Variants in FCHSD2 observed in about 807,000 individuals in gnomAD.
FCHSD2 encodes FCH and double SH3 domains 2.
FCHSD2 carries 38 observed loss-of-function variants against 108.1 expected under a neutral mutation model. That is an observed-to-expected ratio of 0.35 (90% CI 0.27 to 0.46). The LOEUF (loss-of-function observed/expected upper bound fraction) is 0.46. FCHSD2 is among the 20% of genes least tolerant of loss of function. The pLI is 1.00. For synonymous variants in FCHSD2, 279 were observed against 314.7 expected, an observed-to-expected ratio of 0.89 and a Z score of 1.20; for missense variants, 751 against 897.8, an observed-to-expected ratio of 0.84 and a Z score of 2.09.
chr11:72,902,987 T>TTG (rs774507851), intron 9 of FCHSD2, among the ~76,000 whole-genome samples: 107 of 152,272 alleles, frequency 7.0e-4, no homozygotes, highest in Non-Finnish European at 1.3e-3. Flanking sequence ...ACATTGGTCT[T>TTG]TGCCATCTCT....
At chr11:72,892,498 G>C (rs978589120) in intron 10 of FCHSD2, among the ~76,000 whole-genome samples, 4 of 152,148 alleles carry the variant, frequency 2.6e-5, no homozygotes, top group African/African-American at 9.7e-5. Flanking sequence ...ATACAGCCCA[G>C]GCTATTAAAC....
At chr11:73,010,300 G>A (rs967160202) in intron 4 of FCHSD2, among the ~76,000 whole-genome samples, 1 of 151,940 alleles carries the variant, frequency 6.6e-6, no homozygotes, top group Non-Finnish European at 1.5e-5. Context: ...ATCCTGAATT[G>A]TTTTTCTGAT....
intron 9 of FCHSD2, among the ~76,000 whole-genome samples, chr11:72,917,626 C>G (rs1053650317): frequency 6.6e-6 from 1 of 152,222 alleles, no homozygotes. Context: ...TGGCTGACGC[C>G]TGTAATCCCA....
At chr11:72,992,352 G>T (rs1288405534) in intron 5 of FCHSD2, among the ~76,000 whole-genome samples, 3 of 152,292 alleles carry the variant, frequency 2.0e-5, no homozygotes, top group Non-Finnish European at 4.4e-5. Flanking sequence ...GTAATTTATA[G>T]ATTCAATGCC....
intron 3 of FCHSD2, among the ~76,000 whole-genome samples, chr11:73,080,495 A>C (rs905019459): frequency 3.3e-5 from 5 of 152,162 alleles, no homozygotes; most frequent in Non-Finnish European, 7.3e-5. Context: ...TATATCATTT[A>C]GAGTTACAAA....
At chr11:73,137,742 T>C (rs1322496389) in intron 2 of FCHSD2, among the ~76,000 whole-genome samples, 1 of 152,064 alleles carries the variant, frequency 6.6e-6, no homozygotes, top group Non-Finnish European at 1.5e-5. Flanking sequence ...GACAACAGCA[T>C]ACACAGGGGC....
At chr11:72,955,809 T>G (rs1239895596) in intron 8 of FCHSD2, among the ~76,000 whole-genome samples, 8 of 152,140 alleles carry the variant, frequency 5.3e-5, no homozygotes, top group Non-Finnish European at 8.8e-5. Flanking sequence ...TACAAGGGCT[T>G]TAGGAGCTCT....
chr11:73,059,520 C>T lies in FCHSD2; in HGVS notation c.165+24175G>A, dbSNP rs571599669. 2.0e-5 allele frequency among the ~76,000 whole-genome samples: 3 copies of T among 152,226 alleles called. No homozygotes were observed. In the South Asian group the frequency reaches 6.2e-4, roughly 32 times the overall value. On this transcript the variant is annotated intron_variant, in intron 3 of 19. Coordinates refer to ENST00000409418, the MANE Select transcript of FCHSD2 (RefSeq NM_014824.3). ...CTAAAAACGAGGAATGCTCCCTACC[C>T]TTCACTCTAACTTCTTCTGCCTTGT... is the stretch of plus-strand genomic sequence containing the variant.
intron 8 of FCHSD2, among the ~76,000 whole-genome samples, chr11:72,926,956 C>T (rs1360957536): frequency 3.3e-5 from 5 of 152,158 alleles, no homozygotes; most frequent in Non-Finnish European, 7.3e-5. Context: ...ACTAGTAGTA[C>T]CTAACTACTT....
chr11:73,093,843 G>A (rs1426500806), intron 2 of FCHSD2, among the ~76,000 whole-genome samples: 1 of 152,072 alleles, frequency 6.6e-6, no homozygotes, highest in East Asian at 2.0e-4. Context: ...GACCTCAGGT[G>A]ATCTGCCCAC....
intron 9 of FCHSD2, among the ~76,000 whole-genome samples, chr11:72,918,274 A>C (rs548087861): frequency 9.9e-5 from 15 of 152,246 alleles, no homozygotes; most frequent in African/African-American, 3.6e-4. Context: ...TAGCTCTATT[A>C]GTTTTTTTAA....
intron 3 of FCHSD2, among the ~76,000 whole-genome samples, chr11:73,072,260 T>C (rs540840504): frequency 1.3e-5 from 2 of 151,712 alleles, no homozygotes; most frequent in African/African-American, 4.8e-5. Context: ...GGGATCAGCA[T>C]CAACAATGAT....
intron 3 of FCHSD2, among the ~76,000 whole-genome samples, chr11:73,066,742 T>C (rs1217313277): frequency 6.6e-6 from 1 of 152,206 alleles, no homozygotes; most frequent in Non-Finnish European, 1.5e-5. Flanking sequence ...ATGCTCATCA[T>C]CATTGGTCAT....
chr11:73,057,993 C>T (rs1001970932), intron 3 of FCHSD2, among the ~76,000 whole-genome samples: 4 of 151,988 alleles, frequency 2.6e-5, no homozygotes, highest in African/African-American at 9.7e-5. Context: ...CATCCTCCTG[C>T]CTCAGCTTCC....
intron 4 of FCHSD2, among the ~76,000 whole-genome samples, chr11:73,012,865 C>G (rs188389203): frequency 6.6e-6 from 1 of 152,274 alleles, no homozygotes; most frequent in Admixed American, 6.5e-5. Flanking sequence ...TCTGCCAAAT[C>G]ATTTGCAAGT....
At chr11:72,976,899 A>T (rs1437677104) in intron 8 of FCHSD2, among the ~76,000 whole-genome samples, 1 of 151,710 alleles carries the variant, frequency 6.6e-6, no homozygotes, top group African/African-American at 2.4e-5. Context: ...TGAATTAAAG[A>T]CTTAAATCTA....
chr11:72,908,638 A>T (rs771158654), intron 9 of FCHSD2, among the ~76,000 whole-genome samples: 9 of 152,176 alleles, frequency 5.9e-5, no homozygotes, highest in Non-Finnish European at 1.3e-4. Context: ...ATGATTAATG[A>T]TGTTGAGTAC....
chr11:72,928,338 C>A (rs1376249407), intron 8 of FCHSD2, among the ~76,000 whole-genome samples: 2 of 152,054 alleles, frequency 1.3e-5, no homozygotes, highest in Non-Finnish European at 2.9e-5. Flanking sequence ...ACAATCTGGT[C>A]CCAACATAAC....
chr11:72,992,558 A>G (rs1006793394), intron 5 of FCHSD2, among the ~76,000 whole-genome samples: 5 of 152,230 alleles, frequency 3.3e-5, no homozygotes, highest in African/African-American at 1.2e-4. Flanking sequence ...ACCAAAACAG[A>G]GATATAGACC....
Sources: gnomAD v4.1 joint callset for allele counts (sites outside exome capture counted in the v4.1 genomes callset) on GRCh38, gnomAD v4.1.1 for gene constraint, MANE v1.5 for transcripts, NCBI Gene and HGNC (gene_info 2026-07-23, HGNC 2026-07-21) for gene names.